Variants in MAPK10 observed in about 807,000 individuals in gnomAD.
MAPK10 encodes JNK3 alpha protein kinase.
MAPK10 carries 25 observed loss-of-function variants against 59.3 expected under a neutral mutation model. The ratio of observed to expected loss-of-function variants is 0.42; its 90% CI spans 0.31 to 0.59. MAPK10 has a LOEUF of 0.59. MAPK10 is among the 20% of genes least tolerant of loss of function. The pLI, the probability that MAPK10 is intolerant of heterozygous loss-of-function variation, is 0.15. For synonymous variants in MAPK10, 190 were observed against 200.5 expected, an observed-to-expected ratio of 0.95 and a Z score of 0.44; for missense variants, 351 against 568.9, an observed-to-expected ratio of 0.62 and a Z score of 3.90.
intron 1 of MAPK10, among the ~76,000 whole-genome samples, chr4:86,377,030 T>G (rs572716564): frequency 7.2e-5 from 11 of 152,322 alleles, no homozygotes; most frequent in Non-Finnish European, 1.5e-4. Flanking sequence ...TTTCCAAGGC[T>G]GAGTGTGCAA....
At chr4:86,228,116 T>A (rs2090962891) in intron 2 of MAPK10, among the ~76,000 whole-genome samples, 2 of 152,096 alleles carry the variant, frequency 1.3e-5, no homozygotes, top group South Asian at 4.2e-4. Flanking sequence ...CTTGAATAAT[T>A]TTGCAGGACT....
chr4:86,517,269 C>CTTTTTTTTT (rs1176457005), intron 1 of MAPK10, among the ~76,000 whole-genome samples: 4 of 84,264 alleles, frequency 4.7e-5, no homozygotes, highest in Non-Finnish European at 8.8e-5. Context: ...GGTGTATTAT[C>CTTTTTTTTT]TTTTTTTTTT....
chr4:86,085,108 A>G (rs148199154), intron 9 of MAPK10, among the ~76,000 whole-genome samples: 322 of 152,358 alleles, frequency 2.1e-3, no homozygotes, highest in Middle Eastern at 6.8e-3. Context: ...AAGATGAATT[A>G]AAGACATAAA....
At chr4:86,294,848 G>C (rs1235492633) in intron 2 of MAPK10, among the ~76,000 whole-genome samples, 2 of 152,258 alleles carry the variant, frequency 1.3e-5, no homozygotes, top group African/African-American at 4.8e-5. Context: ...TCGAGGCTTT[G>C]GCTGAGTACT....
chr4:86,422,714 C>T (rs1286469238), intron 1 of MAPK10, among the ~76,000 whole-genome samples: 2 of 152,102 alleles, frequency 1.3e-5, no homozygotes, highest in South Asian at 4.1e-4. Flanking sequence ...TCAAAACAGA[C>T]CGGCAGGCAT....
chr4:86,543,423 C>G (rs1758887310), intron 1 of MAPK10, among the ~76,000 whole-genome samples: 1 of 152,134 alleles, frequency 6.6e-6, no homozygotes. Context: ...ACAAACTTCC[C>G]ATACACCAGA....
chr4:86,075,020 T>C (rs1201110342), intron 9 of MAPK10, among the ~76,000 whole-genome samples: 1 of 147,696 alleles, frequency 6.8e-6, no homozygotes, highest in Admixed American at 6.7e-5. Context: ...CCTCATCACT[T>C]TCAGGTACAC....
chr4:86,418,425 A>G (rs1746115331), intron 1 of MAPK10, among the ~76,000 whole-genome samples: 1 of 152,242 alleles, frequency 6.6e-6, no homozygotes, highest in Admixed American at 6.5e-5. Flanking sequence ...TTAAAAGTTC[A>G]TTAAAGATTT....
intron 2 of MAPK10, among the ~76,000 whole-genome samples, chr4:86,315,483 A>G (rs2095763154): frequency 6.6e-6 from 1 of 152,140 alleles, no homozygotes; most frequent in South Asian, 2.1e-4. Context: ...TATGCATTAC[A>G]TGCCTGTATC....
At chr4:86,336,784 CTTTTTTTTTTTTTTT>C (rs70948788) in intron 2 of MAPK10, among the ~76,000 whole-genome samples, 1 of 83,066 alleles carries the variant, frequency 1.2e-5, no homozygotes, top group African/African-American at 4.9e-5. Flanking sequence ...GGAATGACTC[CTTTTTTTTTTTTTTT>C]TTTTTTTTTG....
intron 1 of MAPK10, among the ~76,000 whole-genome samples, chr4:86,545,701 G>A (rs1352971839): frequency 6.6e-6 from 1 of 152,066 alleles, no homozygotes; most frequent in African/African-American, 2.4e-5. Flanking sequence ...GGAGAAGAGA[G>A]GTGTTAATGG....
rs150692168 is a variant in MAPK10 at position 86,277,962 on chromosome 4, T to C, written c.-7+76568A>G. On this transcript the variant is annotated intron_variant, in intron 2 of 13. Coordinates refer to ENST00000641462, the MANE Select transcript of MAPK10 (RefSeq NM_138982.4). Reference sequence around the variant, plus strand: ...GATGCAAAAAATTAAGGAGAAATTTTAGATATATATCACAAAGTATAACAT... The same window carrying C: ...GATGCAAAAAATTAAGGAGAAATTTCAGATATATATCACAAAGTATAACAT... Among the ~76,000 whole-genome samples the C allele has an allele frequency of 5.8e-3, 886 of 152,210 alleles. 8 individuals are homozygous for C. The highest frequency in any genetic ancestry group is 0.02 in the African/African-American group (834 of 41,574).
intron 2 of MAPK10, among the ~76,000 whole-genome samples, chr4:86,214,744 A>G (rs2086924970): frequency 6.6e-6 from 1 of 152,106 alleles, no homozygotes; most frequent in African/African-American, 2.4e-5. Context: ...AACTAAAGAA[A>G]AAATACTGAA....
chr4:86,360,072 C>A, upstream of MAPK10: 2 of 985,674 alleles, frequency 2.0e-6, no homozygotes, highest in South Asian at 4.7e-5. Context: ...CCAGAGGAGA[C>A]GGACAGAGGG....
At chr4:86,513,900 C>T (rs1319597394) in intron 1 of MAPK10, among the ~76,000 whole-genome samples, 1 of 152,144 alleles carries the variant, frequency 6.6e-6, no homozygotes, top group Non-Finnish European at 1.5e-5. Flanking sequence ...CCCTCCTAAG[C>T]TCCCTTGTTG....
intron 1 of MAPK10, among the ~76,000 whole-genome samples, chr4:86,452,290 G>A (rs1750806879): frequency 6.6e-6 from 1 of 152,208 alleles, no homozygotes; most frequent in Non-Finnish European, 1.5e-5. Flanking sequence ...TGGTAGGAGA[G>A]AGTGTGTAAT....
intron 3 of MAPK10, among the ~76,000 whole-genome samples, chr4:86,163,866 G>C (rs1228000964): frequency 6.6e-6 from 1 of 152,144 alleles, no homozygotes; most frequent in East Asian, 1.9e-4. Flanking sequence ...CTTGGTATCA[G>C]CACCTGAGCA....
At chr4:86,257,500 A>AT (rs902557676) in intron 2 of MAPK10, among the ~76,000 whole-genome samples, 9 of 151,744 alleles carry the variant, frequency 5.9e-5, no homozygotes, top group Admixed American at 2.0e-4. Flanking sequence ...TTTTTCTTCT[A>AT]TTTTTTATCT....
At chr4:86,361,544 C>T (rs1008496573), upstream of MAPK10, among the ~76,000 whole-genome samples, 1 of 152,006 alleles carries the variant, frequency 6.6e-6, no homozygotes, top group African/African-American at 2.4e-5. Context: ...ATCAGTTTGT[C>T]GAAGAGATGT....
Sources: gnomAD v4.1 joint callset for allele counts (sites outside exome capture counted in the v4.1 genomes callset) on GRCh38, gnomAD v4.1.1 for gene constraint, MANE v1.5 for transcripts, NCBI Gene and HGNC (gene_info 2026-07-23, HGNC 2026-07-21) for gene names.